Variants in TRPC7 observed in about 807,000 individuals in gnomAD.
The protein encoded by TRPC7 is short transient receptor potential channel 7.
Under a neutral mutation model 90.1 loss-of-function variants are expected in TRPC7, and 42 were observed. That is an observed-to-expected ratio of 0.47 (90% CI 0.36 to 0.60). The LOEUF (loss-of-function observed/expected upper bound fraction) is 0.60. Ranked by LOEUF, TRPC7 falls within the 20% of genes least tolerant of loss-of-function variation. The pLI is 0.00. For synonymous variants in TRPC7, 451 were observed against 436.3 expected, an observed-to-expected ratio of 1.03 and a Z score of -0.42; for missense variants, 955 against 1,112.3, an observed-to-expected ratio of 0.86 and a Z score of 2.01.
intron 3 of TRPC7, among the ~76,000 whole-genome samples, chr5:136,297,242 G>A (rs1311134712): frequency 1.3e-5 from 2 of 152,184 alleles, no homozygotes; most frequent in Non-Finnish European, 2.9e-5. Context: ...AACCTGTTAG[G>A]ATGAAAGTTC....
At chr5:136,274,477 A>C (rs1757297883) in intron 4 of TRPC7, among the ~76,000 whole-genome samples, 196 bp downstream of exon 4, 1 of 151,714 alleles carries the variant, frequency 6.6e-6, no homozygotes, top group Non-Finnish European at 1.5e-5. Flanking sequence ...CTCTCTTTGA[A>C]AAAAAAAAGA....
intron 8 of TRPC7, among the ~76,000 whole-genome samples, chr5:136,229,532 G>C (rs1279261171): frequency 6.6e-6 from 1 of 152,124 alleles, no homozygotes. Context: ...ATGAGGTCAC[G>C]AGGATGGGGC....
At chr5:136,322,921 G>T (rs369771453) in intron 2 of TRPC7, among the ~76,000 whole-genome samples, 5 of 152,080 alleles carry the variant, frequency 3.3e-5, no homozygotes, top group African/African-American at 1.2e-4. Flanking sequence ...TTAGTCTGTG[G>T]CTTATGTTCA....
chr5:136,342,179 T>G (rs1317162831), intron 2 of TRPC7, among the ~76,000 whole-genome samples: 2 of 152,136 alleles, frequency 1.3e-5, no homozygotes, highest in Non-Finnish European at 2.9e-5. Flanking sequence ...TGGTAAAAAT[T>G]CCATCAAGGT....
At chr5:136,304,234 G>C (rs566914680) in intron 3 of TRPC7, among the ~76,000 whole-genome samples, 162 of 149,396 alleles carry the variant, frequency 1.1e-3, no homozygotes, top group African/African-American at 3.9e-3. Context: ...CCCTCCTTGG[G>C]GACCGATCAT....
chr5:136,284,030 T>A (rs1171665830), intron 3 of TRPC7, among the ~76,000 whole-genome samples: 1 of 152,256 alleles, frequency 6.6e-6, no homozygotes. Context: ...CTGTGCCTAC[T>A]CTGCCATCCA....
Position 136,356,866 on chromosome 5 carries a change from G to A in TRPC7, c.522C>T (p.Cys174=), listed in dbSNP as rs1265751724. 1 of 1,613,898 alleles carries A rather than the reference G, an allele frequency of 6.2e-7. No homozygotes were observed. The highest frequency in any genetic ancestry group is 8.5e-7 in the Non-Finnish European group (1 of 1,179,934). Reference sequence around the variant, plus strand: ...GGATGTGCACGATCTCATACTCCTGGCAGTGCGCCGCCAGGATGATGGGCG... The same window carrying A: ...GGATGTGCACGATCTCATACTCCTGACAGTGCGCCGCCAGGATGATGGGCG... ...DITPIILAAH[C]QEYEIVHILL... Residue 174 remains cysteine (C), a synonymous_variant, in exon 2 of 12, where the codon TGC becomes TGT. Coordinates refer to ENST00000513104, the MANE Select transcript of TRPC7 (RefSeq NM_020389.3).
intron 2 of TRPC7, among the ~76,000 whole-genome samples, chr5:136,356,333 T>G (rs948652867): frequency 1.3e-5 from 2 of 152,194 alleles, no homozygotes; most frequent in Non-Finnish European, 2.9e-5. Flanking sequence ...CACAACATAA[T>G]CCTGCCTGCA....
chr5:136,298,577 C>T (rs925976113), intron 3 of TRPC7, among the ~76,000 whole-genome samples: 1 of 152,172 alleles, frequency 6.6e-6, no homozygotes, highest in Non-Finnish European at 1.5e-5. Flanking sequence ...AACCACTCTG[C>T]CCAGAAATGC....
chr5:136,265,370 A>AT (rs1417999176), intron 5 of TRPC7, among the ~76,000 whole-genome samples: 60 of 152,134 alleles, frequency 3.9e-4, no homozygotes, highest in Non-Finnish European at 2.9e-5. Flanking sequence ...AAATTGACAT[A>AT]TTTTTGATGT....
intron 2 of TRPC7, among the ~76,000 whole-genome samples, chr5:136,320,716 C>A (rs549070437): frequency 2.0e-5 from 3 of 152,188 alleles, no homozygotes; most frequent in East Asian, 1.9e-4. Context: ...GGTGCCCCTG[C>A]TATTCTTCAA....
intron 2 of TRPC7, among the ~76,000 whole-genome samples, chr5:136,354,226 A>G (rs1020230723): frequency 1.3e-5 from 2 of 152,192 alleles, no homozygotes; most frequent in African/African-American, 4.8e-5. Context: ...CACATCCTTG[A>G]CCTTAATGTT....
intron 3 of TRPC7, among the ~76,000 whole-genome samples, chr5:136,285,469 A>C (rs1757683363): frequency 6.6e-6 from 1 of 152,224 alleles, no homozygotes; most frequent in Admixed American, 6.5e-5. Flanking sequence ...AGCCTCTTTA[A>C]ATGTTAATGA....
In TRPC7 at chr5:136,274,425, T is replaced by C. The variant is rs190196649; in HGVS notation, c.1128+248A>G. On this transcript the variant is annotated intron_variant, in intron 4 of 11. Coordinates refer to ENST00000513104, the MANE Select transcript of TRPC7 (RefSeq NM_020389.3). ...TATTCTCAATTCTGTTACTGATCTT[T>C]TCAAATTATGCCTCTCGTGTTTAAA... Among the ~76,000 whole-genome samples the C allele has an allele frequency of 2.8e-3, 422 of 152,296 alleles. 2 individuals are homozygous for C. The highest frequency in any genetic ancestry group is 4.9e-3 in the Non-Finnish European group (333 of 68,016).
intron 7 of TRPC7, among the ~76,000 whole-genome samples, chr5:136,242,590 CT>C (rs1369785784): frequency 1.3e-5 from 2 of 152,190 alleles, no homozygotes; most frequent in Non-Finnish European, 2.9e-5. Flanking sequence ...TGAAATCCTA[CT>C]AATAAGATAT....
intron 3 of TRPC7, among the ~76,000 whole-genome samples, chr5:136,284,967 G>T (rs1757663432): frequency 6.6e-6 from 1 of 152,322 alleles, no homozygotes; most frequent in Non-Finnish European, 1.5e-5. Flanking sequence ...ATGTAAAGCA[G>T]AGATGACAAT....
At chr5:136,271,436 G>C (rs915703870) in intron 4 of TRPC7, among the ~76,000 whole-genome samples, 13 of 152,162 alleles carry the variant, frequency 8.5e-5, no homozygotes, top group Non-Finnish European at 1.6e-4. Context: ...GAAGATGACT[G>C]TTATTTATTC....
chr5:136,356,134 G>T (rs1337752419), intron 2 of TRPC7, among the ~76,000 whole-genome samples: 4 of 152,220 alleles, frequency 2.6e-5, no homozygotes, highest in Non-Finnish European at 5.9e-5. Context: ...CTGCAGCCAG[G>T]TCTTCCTATT....
intron 1 of TRPC7, among the ~76,000 whole-genome samples, chr5:136,359,205 C>T (rs1229471655): frequency 3.3e-5 from 5 of 152,048 alleles, no homozygotes; most frequent in Non-Finnish European, 5.9e-5. Flanking sequence ...CCTTGGGGGC[C>T]GTATGTCTGG....
Sources: gnomAD v4.1 joint callset for allele counts (sites outside exome capture counted in the v4.1 genomes callset) on GRCh38, gnomAD v4.1.1 for gene constraint, MANE v1.5 for transcripts, NCBI Gene and HGNC (gene_info 2026-07-23, HGNC 2026-07-21) for gene names.